The following CDH13 variants were observed in gnomAD, a reference collection of about 807,000 sequenced individuals.
CDH13 encodes the protein cadherin 13, also known as cadherin-13.
CDH13 carries 24 observed loss-of-function variants against 63.8 expected under a neutral mutation model. That is an observed-to-expected ratio of 0.38 (90% CI 0.27 to 0.53). CDH13 has a LOEUF of 0.53. Among genes scored for constraint, CDH13 ranks in the 20% least tolerant of loss-of-function variants. CDH13 has a pLI of 0.85. For missense variants in CDH13, 1,049 were observed against 903.1 expected, an observed-to-expected ratio of 1.16 and a Z score of -2.07; for synonymous variants, 503 against 355.3, an observed-to-expected ratio of 1.42 and a Z score of -4.67.
At chr16:83,080,871 G>GTGTTTT (rs2033184161) in intron 3 of CDH13, among the ~76,000 whole-genome samples, 1 of 46,928 alleles carries the variant, frequency 2.1e-5, no homozygotes, top group Non-Finnish European at 3.5e-5. Flanking sequence ...TTGTTTTTGT[G>GTGTTTT]TTTTTTTTTT....
chr16:83,142,733 G>C (rs1477726236), intron 4 of CDH13, among the ~76,000 whole-genome samples: 1 of 152,008 alleles, frequency 6.6e-6, no homozygotes, highest in Non-Finnish European at 1.5e-5. Context: ...TGGTGGACTA[G>C]GCTCTCAATA....
intron 1 of CDH13, among the ~76,000 whole-genome samples, chr16:82,843,597 A>G (rs541375796): frequency 3.9e-5 from 6 of 152,362 alleles, no homozygotes; most frequent in African/African-American, 2.4e-5. Context: ...AACAAGATAG[A>G]CATTTTAGTT....
At chr16:82,879,698 C>A (rs2040626464) in intron 2 of CDH13, among the ~76,000 whole-genome samples, 1 of 135,122 alleles carries the variant, frequency 7.4e-6, no homozygotes. Context: ...AATAATATAA[C>A]CAGTATGTTT....
chr16:83,507,080 T>C (rs2074414783), intron 7 of CDH13, among the ~76,000 whole-genome samples: 1 of 152,348 alleles, frequency 6.6e-6, no homozygotes, highest in East Asian at 1.9e-4. Context: ...CCAGCTAAAA[T>C]TGCTGCTCAT....
At chr16:83,652,470 G>A (rs1398761271) in intron 8 of CDH13, among the ~76,000 whole-genome samples, 4 of 152,084 alleles carry the variant, frequency 2.6e-5, no homozygotes, top group African/African-American at 9.7e-5. Context: ...AGGGGTCTGT[G>A]TAGTTTCTCC....
At chr16:83,526,567 C>T (rs993989190) in intron 7 of CDH13, among the ~76,000 whole-genome samples, 5 of 152,204 alleles carry the variant, frequency 3.3e-5, no homozygotes, top group African/African-American at 1.2e-4. Flanking sequence ...GATGGTAATG[C>T]TCGCTTGCTA....
intron 3 of CDH13, among the ~76,000 whole-genome samples, chr16:83,119,505 G>A (rs958988497): frequency 3.9e-5 from 6 of 152,152 alleles, no homozygotes; most frequent in Non-Finnish European, 7.3e-5. Context: ...CAGAAGTCAA[G>A]AGATCTTATT....
chr16:83,774,156 C>T (rs1329750823), intron 11 of CDH13, among the ~76,000 whole-genome samples: 1 of 152,152 alleles, frequency 6.6e-6, no homozygotes, highest in African/African-American at 2.4e-5. Flanking sequence ...CTGTGCATGG[C>T]CGGTGATACC....
At chr16:83,174,457 A>C (rs561382271) in intron 4 of CDH13, among the ~76,000 whole-genome samples, 1 of 152,142 alleles carries the variant, frequency 6.6e-6, no homozygotes, top group East Asian at 1.9e-4. Flanking sequence ...ACCGAAGCAA[A>C]TGACCACTCA....
chr16:83,604,184 C>A (rs534862405), intron 8 of CDH13, among the ~76,000 whole-genome samples: 26 of 152,234 alleles, frequency 1.7e-4, no homozygotes, highest in African/African-American at 4.8e-4. Flanking sequence ...AGGTAGACGT[C>A]CCCCTTTCTC....
intron 6 of CDH13, among the ~76,000 whole-genome samples, chr16:83,442,193 C>T (rs552594864): frequency 1.3e-5 from 2 of 152,258 alleles, no homozygotes; most frequent in Admixed American, 1.3e-4. Flanking sequence ...CCTTAATGGG[C>T]ACCTATCGTT....
intron 6 of CDH13, among the ~76,000 whole-genome samples, chr16:83,450,018 C>T (rs561128297): frequency 6.6e-6 from 1 of 152,318 alleles, no homozygotes; most frequent in Admixed American, 6.5e-5. Context: ...CCCGCCCCGA[C>T]CCCGGGCCCA....
chr16:82,787,098 C>G (rs1485817918), intron 1 of CDH13, among the ~76,000 whole-genome samples: 1 of 152,162 alleles, frequency 6.6e-6, no homozygotes, highest in Non-Finnish European at 1.5e-5. Flanking sequence ...TATTTTATCT[C>G]ATAAGACAAA....
intron 6 of CDH13, among the ~76,000 whole-genome samples, chr16:83,465,357 C>T (rs549585706): frequency 6.8e-4 from 103 of 152,256 alleles, no homozygotes; most frequent in East Asian, 1.4e-3. Context: ...TCTATAGCAA[C>T]GCCTAGGGCA....
At position 83,115,110 on chromosome 16, in the gene CDH13, A is replaced by C. The variant is rs369560517; in HGVS notation, c.367-10275A>C. On this transcript the variant is annotated intron_variant, in intron 3 of 13. Coordinates refer to ENST00000567109, the MANE Select transcript of CDH13 (RefSeq NM_001257.5). Reference sequence around the variant, plus strand: ...ATGGATCAAAGGACCTCTCCAGCCAAGCACAGACCTCCTTGAAAAGGTAGT... The same window carrying C: ...ATGGATCAAAGGACCTCTCCAGCCACGCACAGACCTCCTTGAAAAGGTAGT... Among the ~76,000 whole-genome samples, 82 of 152,334 alleles carry C rather than the reference A, an allele frequency of 5.4e-4. 1 individual carries two copies. In the South Asian group the frequency reaches 0.015, roughly 28 times the overall value.
At chr16:83,550,135 G>T (rs922098605) in intron 7 of CDH13, among the ~76,000 whole-genome samples, 2 of 152,226 alleles carry the variant, frequency 1.3e-5, no homozygotes, top group African/African-American at 4.8e-5. Context: ...GATGCACTTT[G>T]CCAGGGGAAA....
intron 1 of CDH13, among the ~76,000 whole-genome samples, chr16:82,651,683 G>A (rs191509980): frequency 6.6e-6 from 1 of 152,210 alleles, no homozygotes; most frequent in Non-Finnish European, 1.5e-5. Context: ...TTGGAACAAA[G>A]CCACTCAGGC....
intron 6 of CDH13, among the ~76,000 whole-genome samples, chr16:83,404,163 A>C (rs1467820487): frequency 6.6e-6 from 1 of 152,242 alleles, no homozygotes; most frequent in African/African-American, 2.4e-5. Context: ...TTAAAGAGTC[A>C]AATACAAAAT....
chr16:83,705,553 C>T (rs1179248456), intron 10 of CDH13, among the ~76,000 whole-genome samples: 6 of 151,960 alleles, frequency 3.9e-5, no homozygotes, highest in Admixed American at 1.3e-4. Context: ...ACCCGGGAGG[C>T]GGAGCTTGCA....
Sources: allele counts gnomAD v4.1 joint callset (sites outside exome capture counted in the v4.1 genomes callset), GRCh38; gene constraint gnomAD v4.1.1; transcripts MANE v1.5; gene names NCBI Gene and HGNC (gene_info 2026-07-23, HGNC 2026-07-21).